The following FOXP4 variants were observed in gnomAD, a reference collection of about 807,000 sequenced individuals.
FOXP4 encodes forkhead box protein P4.
A neutral mutation model predicts 82.6 loss-of-function variants in FOXP4; 25 were observed. The ratio of observed to expected loss-of-function variants is 0.30; its 90% CI spans 0.22 to 0.42. The LOEUF is 0.42. FOXP4 is among the 10% of genes least tolerant of loss of function. The pLI, the probability that FOXP4 is intolerant of heterozygous loss-of-function variation, is 1.00. For missense variants in FOXP4, 785 were observed against 900.9 expected (o/e 0.87, Z 1.65); for synonymous variants, 415 against 388.2 (o/e 1.07, Z -0.81).
At chr6:41,575,408 G>T (rs1765424549) in intron 2 of FOXP4, among the ~76,000 whole-genome samples, 1 of 152,196 alleles carries the variant, frequency 6.6e-6, no homozygotes, top group South Asian at 2.1e-4. Context: ...GATGTGAGAA[G>T]AGTGGTGAGT....
rs923795439 is a variant in FOXP4 at position 41,591,152 on chromosome 6, G to T, written c.1435-69G>T. 6.9e-6 allele frequency: 9 copies of T among 1,302,434 alleles called. No homozygotes were observed. The highest frequency in any genetic ancestry group is 6.3e-5 in the South Asian group (5 of 79,424). 80.7% of individuals were successfully genotyped at this position (1,302,434 alleles called of 1,614,324 possible). ...TAGGCAGAAGGGAGAGGTACTGGGG[G>T]AGGGAACCCAGGGCTGTGACCCTTC... On this transcript the variant is annotated intron_variant, in intron 12 of 16. Coordinates refer to ENST00000307972, the MANE Select transcript of FOXP4 (RefSeq NM_001012426.2). This position sits in a 1 kb window ranked among gnomAD's most constrained non-coding sequence, Gnocchi z 4.2.
chr6:41,576,390 T>C (rs1765487848), intron 2 of FOXP4, among the ~76,000 whole-genome samples: 1 of 152,178 alleles, frequency 6.6e-6, no homozygotes, highest in South Asian at 2.1e-4. Context: ...GTGTATATGC[T>C]TGGTACACAG....
At chr6:41,590,467 C>G (rs1437276009) in intron 12 of FOXP4, 120 bp downstream of exon 12, 1 of 1,058,988 alleles carries the variant, frequency 9.4e-7, no homozygotes, top group African/African-American at 1.6e-5. Flanking sequence ...CCCGCTCCCT[C>G]TCACGTGGCG....
intron 2 of FOXP4, among the ~76,000 whole-genome samples, chr6:41,568,483 C>T (rs569837725): frequency 3.3e-5 from 5 of 152,298 alleles, no homozygotes; most frequent in Admixed American, 6.5e-5. Flanking sequence ...ATGGAGGCAG[C>T]GAGGCCTCGA....
chr6:41,549,291 G>A (rs1203355551), intron 1 of FOXP4, among the ~76,000 whole-genome samples: 3 of 152,116 alleles, frequency 2.0e-5, no homozygotes, highest in Non-Finnish European at 4.4e-5. Flanking sequence ...CTGAGCCCTG[G>A]AGAGAGAAAG....
Position 41,590,348 on chromosome 6 carries a change from G to T in FOXP4, c.1434+1G>T. 6.2e-7 allele frequency: 1 copy of T among 1,613,684 alleles called. No individual in the cohort carries two copies. Among genetic ancestry groups the T allele is most frequent in the Non-Finnish European group, 8.5e-7 (1 of 1,179,924 alleles). Reference sequence around the variant, plus strand: ...CACCTACGCCTCCCTCATCCGCCAGGTGAGCAGGGCAGGTAGGAGGAGGGT... The same window carrying T: ...CACCTACGCCTCCCTCATCCGCCAGTTGAGCAGGGCAGGTAGGAGGAGGGT... On this transcript the variant is annotated splice_donor_variant, in intron 12 of 16. Coordinates refer to ENST00000307972, the MANE Select transcript of FOXP4 (RefSeq NM_001012426.2). LOFTEE classifies it high-confidence loss of function.
chr6:41,590,627 G>A (rs3800284), intron 12 of FOXP4, among the ~76,000 whole-genome samples: 3 of 151,706 alleles, frequency 2.0e-5, no homozygotes, highest in Non-Finnish European at 4.4e-5. Flanking sequence ...TACACAGCCC[G>A]CCATGATAGA....
chr6:41,565,790 C>T lies in FOXP4; in HGVS notation c.30C>T (p.Ile10=). Residue 10 remains isoleucine, a synonymous_variant, in exon 2 of 17, where the codon ATC becomes ATT. Transcript: ENST00000307972. The part of the protein sequence containing the change: MMVESASET[I]RSAPSGQNGV... ...TGGTGGAATCTGCCTCGGAGACAATCAGGTCGGCTCCATCTGGTCAGAATG... is the reference window on the plus strand; with the variant it reads ...TGGTGGAATCTGCCTCGGAGACAATTAGGTCGGCTCCATCTGGTCAGAATG... 6.2e-7 allele frequency: 1 copy of T among 1,609,516 alleles called. No individual in the cohort carries two copies. The highest frequency in any genetic ancestry group is 8.5e-7 in the Non-Finnish European group (1 of 1,176,644).
intron 14 of FOXP4, 123 bp downstream of exon 14, chr6:41,595,114 G>A: frequency 6.9e-7 from 1 of 1,450,720 alleles, no homozygotes; most frequent in South Asian, 1.3e-5. Flanking sequence ...GGGAAGGGGT[G>A]TGGGGAGAAA....
chr6:41,572,218 C>G (rs1300534708), intron 2 of FOXP4, among the ~76,000 whole-genome samples: 3 of 152,212 alleles, frequency 2.0e-5, no homozygotes, highest in Admixed American at 2.0e-4. Context: ...CATGTGTTCC[C>G]TCCACCTCAG....
intron 1 of FOXP4, among the ~76,000 whole-genome samples, chr6:41,552,209 A>G (rs1764037832): frequency 6.6e-6 from 1 of 152,244 alleles, no homozygotes; most frequent in African/African-American, 2.4e-5. Flanking sequence ...GCTTCAAAAG[A>G]GGGTGGCGGT....
At chr6:41,572,140 C>T (rs1332843478) in intron 2 of FOXP4, among the ~76,000 whole-genome samples, 1 of 152,200 alleles carries the variant, frequency 6.6e-6, no homozygotes, top group South Asian at 2.1e-4. Flanking sequence ...TCAGGCCACT[C>T]TTCTCTTGGC....
chr6:41,581,336 G>C (rs555668524), intron 3 of FOXP4, among the ~76,000 whole-genome samples: 1 of 152,216 alleles, frequency 6.6e-6, no homozygotes, highest in South Asian at 2.1e-4. Context: ...AGCTTCCTGT[G>C]TGTCAGGCAC....
At position 41,597,812 on chromosome 6, in the gene FOXP4, TCAA is replaced by T; in HGVS notation, c.1760_1762del (p.Asn587del). ...CTGGCCGAGAGCAGCTTCCCCCTCC[TCAA>T]CAGCCCTGGCATGCTGAACCCTGGC... On this transcript the variant is annotated inframe_deletion, in exon 16 of 17. Coordinates refer to ENST00000307972, the MANE Select transcript of FOXP4 (RefSeq NM_001012426.2). The T allele has an allele frequency of 2.5e-6, 4 of 1,607,396 alleles. No homozygotes were observed. Among genetic ancestry groups the T allele is most frequent in the Non-Finnish European group, 3.4e-6 (4 of 1,179,234 alleles).
chr6:41,578,462 G>A (rs1186752305), intron 3 of FOXP4, among the ~76,000 whole-genome samples: 1 of 151,752 alleles, frequency 6.6e-6, no homozygotes, highest in African/African-American at 2.4e-5. Context: ...CTGTGTTCCT[G>A]TGTCTGGGGC....
Position 41,600,932 on chromosome 6 carries a change from C to G in FOXP4, c.*1996C>G, listed in dbSNP as rs1400212166. ...CTAGTTCTTTCACTAGTTTGAAATC[C>G]AAGTTCTTGCCAGAGTGTTGGAGCA... is the stretch of plus-strand genomic sequence containing the variant. On this transcript the variant is annotated 3_prime_UTR_variant, in exon 17 of 17. Transcript: ENST00000307972. 6.6e-6 allele frequency: 1 copy of G among 152,222 alleles called. No homozygotes were observed. The highest frequency in any genetic ancestry group is 1.5e-5 in the Non-Finnish European group (1 of 68,058). The allele number at this position is 152,222 out of a possible 1,614,324, so 9.4% of individuals were successfully genotyped here.
intron 2 of FOXP4, among the ~76,000 whole-genome samples, chr6:41,573,720 C>A (rs1214624479): frequency 6.6e-6 from 1 of 151,958 alleles, no homozygotes; most frequent in East Asian, 1.9e-4. Context: ...CCCAGGAACC[C>A]CATGAAGAAA....
In FOXP4 at chr6:41,590,111, A is replaced by G. The variant is rs1228482375; in HGVS notation, c.1298A>G (p.His433Arg). The change falls in exon 11 of 17, where the codon CAT (histidine) becomes CGT (arginine). Residue 433 changes from histidine (H) to arginine (R), a missense_variant. This residue lies in a region of FOXP4 where 570 missense variants were observed against 634.0 expected (regional missense o/e 0.90). Coordinates refer to ENST00000307972, the MANE Select transcript of FOXP4 (RefSeq NM_001012426.2). The stretch of plus-strand genomic sequence containing the variant: ...CCTGGCCTGGGCTCTGCCTCCCTGC[A>G]TGGTGGGGGCCCAGCCCGTCGGAGA... ...RPPGLGSASL[H>R]GGGPARRRSS... 4.3e-6 allele frequency: 7 copies of G among 1,612,818 alleles called. No homozygotes were observed. Among genetic ancestry groups the G allele is most frequent in the South Asian group, 1.1e-5 (1 of 91,022 alleles).
intron 1 of FOXP4, among the ~76,000 whole-genome samples, chr6:41,562,490 C>T (rs1197676662): frequency 6.6e-6 from 1 of 150,494 alleles, no homozygotes; most frequent in Non-Finnish European, 1.5e-5. Flanking sequence ...ACTCTGTATG[C>T]CCCCCCCATA....
Sources: gnomAD v4.1 joint callset for allele counts (sites outside exome capture counted in the v4.1 genomes callset) on GRCh38, gnomAD v4.1.1 for gene constraint, gnomAD v4.1.1 regional missense constraint, Gnocchi (gnomAD v3.1) non-coding constraint, MANE v1.5 for transcripts, NCBI Gene and HGNC (gene_info 2026-07-23, HGNC 2026-07-21) for gene names.